FAT1: variants seen among roughly 807,000 people sequenced by gnomAD.
FAT1 encodes protocadherin Fat 1.
FAT1 carries 171 observed loss-of-function variants against 329.8 expected under a neutral mutation model. The observed-to-expected ratio is 0.52, with a 90% CI of 0.46 to 0.59. The LOEUF is 0.59. Among genes scored for constraint, FAT1 ranks in the 20% least tolerant of loss-of-function variants. The pLI is 0.00. For missense variants in FAT1, 5,672 were observed against 5,774.4 expected, an observed-to-expected ratio of 0.98 and a Z score of 0.57; for synonymous variants, 2,233 against 2,228.6, an observed-to-expected ratio of 1.00 and a Z score of -0.06.
chr4:186,657,911 G>A (rs989149194), intron 3 of FAT1, among the ~76,000 whole-genome samples: 2 of 152,178 alleles, frequency 1.3e-5, no homozygotes, highest in Non-Finnish European at 2.9e-5. Context: ...TGAATAATGA[G>A]TCATGAGAAG....
intron 2 of FAT1, among the ~76,000 whole-genome samples, chr4:186,670,732 G>A (rs904588245): frequency 3.3e-5 from 5 of 152,116 alleles, no homozygotes; most frequent in African/African-American, 1.2e-4. Flanking sequence ...TACGTGTTTG[G>A]TTCAAGGCCG....
rs1739275965 is a variant in FAT1 at position 186,609,171 on chromosome 4, T to A, written c.10206+12A>T. On this transcript the variant is annotated intron_variant, in intron 16 of 26. Transcript: ENST00000441802. ...GATTTGTAAACAACGTAAATCAACC[T>A]TTTTCACTTACCGTTTCTCGGTCGA... The A allele has an allele frequency of 6.2e-7, 1 of 1,609,540 alleles. No individual in the cohort carries two copies. Among genetic ancestry groups the A allele is most frequent in the African/African-American group, 1.3e-5 (1 of 74,568 alleles).
intron 3 of FAT1, among the ~76,000 whole-genome samples, chr4:186,650,581 A>G (rs1449772109): frequency 6.6e-6 from 1 of 152,144 alleles, no homozygotes; most frequent in African/African-American, 2.4e-5. Context: ...TAATTTGCCT[A>G]ATGTTATCAT....
At chr4:186,669,400 G>C (rs1275079796) in intron 2 of FAT1, among the ~76,000 whole-genome samples, 1 of 152,194 alleles carries the variant, frequency 6.6e-6, no homozygotes, top group Non-Finnish European at 1.5e-5. Context: ...TGGAGCACAG[G>C]AGACAGGTTG....
At position 186,621,078 on chromosome 4, in the gene FAT1, G is replaced by C. The variant is rs2126521973; in HGVS notation, c.5508C>G (p.Asp1836Glu). ...AGTGAAAAATACTTGTTTCTTCATAGTCCAGACTTAGTACTGTATGAATAG... is the reference window on the plus strand; with the variant it reads ...AGTGAAAAATACTTGTTTCTTCATACTCCAGACTTAGTACTGTATGAATAG... ...TGAIHTVLSL[D>E]YEETSIFHFT... is the part of the protein sequence containing the mutation. Residue 1836 changes from aspartate (D) to glutamate (E), a missense_variant, in exon 10 of 27, where the codon GAC (aspartate) becomes GAG (glutamate). Transcript: ENST00000441802. 6.2e-7 allele frequency: 1 copy of C among 1,613,458 alleles called. No homozygotes were observed. Among genetic ancestry groups the C allele is most frequent in the Non-Finnish European group, 8.5e-7 (1 of 1,179,888 alleles).
intron 2 of FAT1, among the ~76,000 whole-genome samples, chr4:186,679,622 A>G (rs1237716094): frequency 2.0e-5 from 3 of 152,058 alleles, no homozygotes; most frequent in Non-Finnish European, 2.9e-5. Flanking sequence ...AAAACATAGC[A>G]TAGTACTTAC....
At chr4:186,612,638 A>C (rs1739499679) in intron 13 of FAT1, among the ~76,000 whole-genome samples, 1 of 152,256 alleles carries the variant, frequency 6.6e-6, no homozygotes, top group Non-Finnish European at 1.5e-5. Flanking sequence ...TAAATAAGGA[A>C]TACTCAACCT....
chr4:186,649,251 C>T (rs1741516291), intron 3 of FAT1, among the ~76,000 whole-genome samples: 1 of 151,982 alleles, frequency 6.6e-6, no homozygotes, highest in African/African-American at 2.4e-5. Flanking sequence ...CCTGTTAGAA[C>T]AAAAGTTAAA....
intron 3 of FAT1, among the ~76,000 whole-genome samples, chr4:186,642,722 C>T (rs562843681): frequency 9.2e-5 from 14 of 152,240 alleles, no homozygotes; most frequent in South Asian, 4.1e-4. Context: ...AGACCCGAGG[C>T]GCAGGGAAGA....
intron 26 of FAT1, among the ~76,000 whole-genome samples, chr4:186,594,616 G>A (rs1351709789): frequency 7.1e-6 from 1 of 140,754 alleles, no homozygotes; most frequent in Non-Finnish European, 1.5e-5. Context: ...CATATATACG[G>A]TATCAAAATA....
rs2126704779 is a variant in FAT1, at chr4:186,709,514, G to T, written c.314C>A (p.Thr105Lys). The part of the protein sequence containing the change: ...FLRIRTKGGN[T>K]AILNREVKDH... ...CTTCACTTCTCTATTAAGAATAGCT[G>T]TATTTCCTCCTTTGGTCCTTATTCT... Residue 105 changes from threonine to lysine, a missense_variant, in exon 2 of 27, where the codon ACA (threonine) becomes AAA (lysine). Transcript: ENST00000441802. 6.2e-7 allele frequency: 1 copy of T among 1,613,884 alleles called. No homozygotes were observed. The highest frequency in any genetic ancestry group is 8.5e-7 in the Non-Finnish European group (1 of 1,179,858).
intron 2 of FAT1, among the ~76,000 whole-genome samples, chr4:186,699,157 G>A (rs1744178611): frequency 6.6e-6 from 1 of 152,048 alleles, no homozygotes; most frequent in African/African-American, 2.4e-5. Flanking sequence ...ATAATTACAT[G>A]CTGATGATGA....
At chr4:186,663,143 A>AT (rs1742260796) in intron 3 of FAT1, among the ~76,000 whole-genome samples, 156 bp downstream of exon 3, 1 of 152,212 alleles carries the variant, frequency 6.6e-6, no homozygotes, top group Non-Finnish European at 1.5e-5. Context: ...GTTATGCTAA[A>AT]TTTTTATCCA....
At chr4:186,609,674 A>G (rs1384301605) in intron 15 of FAT1, 127 bp downstream of exon 15, 1 of 687,990 alleles carries the variant, frequency 1.5e-6, no homozygotes, top group Non-Finnish European at 2.5e-6. Context: ...TGGCCTAACA[A>G]AAGACACTTT....
chr4:186,725,413 A>G (rs999009034), upstream of FAT1, among the ~76,000 whole-genome samples: 2 of 152,118 alleles, frequency 1.3e-5, no homozygotes, highest in African/African-American at 4.8e-5. This position sits in a 1 kb window ranked among gnomAD's most constrained non-coding sequence, Gnocchi z 5.4. Flanking sequence ...ATTTTTTTTA[A>G]ATGGCACAAG....
At chr4:186,640,860 G>GA (rs1741058344) in intron 3 of FAT1, among the ~76,000 whole-genome samples, 1 of 152,186 alleles carries the variant, frequency 6.6e-6, no homozygotes, top group South Asian at 2.1e-4. Context: ...TGTTGATGGT[G>GA]AACAGGTGCA....
intron 2 of FAT1, among the ~76,000 whole-genome samples, chr4:186,665,264 C>T (rs186090217): frequency 6.1e-4 from 93 of 152,300 alleles, no homozygotes; most frequent in South Asian, 6.0e-3. Flanking sequence ...CCTGAGGAAT[C>T]GCCACACTGT....
At chr4:186,725,140 C>A (rs1454803964), upstream of FAT1, among the ~76,000 whole-genome samples, 1 of 152,076 alleles carries the variant, frequency 6.6e-6, no homozygotes, top group Non-Finnish European at 1.5e-5. The surrounding 1 kb of genome is among the most constrained non-coding windows in gnomAD (Gnocchi z 5.4). Flanking sequence ...ACTCCATCAT[C>A]CAAAGACGTG....
intron 9 of FAT1, among the ~76,000 whole-genome samples, 190 bp from the exon 10 acceptor site, chr4:186,621,965 T>C (rs1463980759): frequency 6.6e-6 from 1 of 152,220 alleles, no homozygotes; most frequent in Non-Finnish European, 1.5e-5. Context: ...AGGTATACTT[T>C]ACAGAATTTT....
Sources: allele counts gnomAD v4.1 joint callset (sites outside exome capture counted in the v4.1 genomes callset), GRCh38; gene constraint gnomAD v4.1.1; non-coding constraint Gnocchi (gnomAD v3.1); transcripts MANE v1.5; gene names NCBI Gene and HGNC (gene_info 2026-07-23, HGNC 2026-07-21).